TTC3: variants seen among roughly 807,000 people sequenced by gnomAD.
TTC3 encodes the protein E3 ubiquitin-protein ligase TTC3.
TTC3 carries 180 observed loss-of-function variants against 249.6 expected under a neutral mutation model. The ratio of observed to expected loss-of-function variants is 0.72; its 90% CI spans 0.64 to 0.82. TTC3 has a LOEUF of 0.82. Ranked by LOEUF, TTC3 falls within the 40% of genes least tolerant of loss-of-function variation. The pLI is 0.00. For missense variants in TTC3, 2,061 were observed against 2,398.4 expected (o/e 0.86, Z 2.94); for synonymous variants, 717 against 805.0 (o/e 0.89, Z 1.85).
intron 5 of TTC3, 113 bp from the exon 6 acceptor site, chr21:37,090,120 G>A (rs2073054807): frequency 1.5e-6 from 1 of 663,970 alleles, no homozygotes. Flanking sequence ...TGTCGGAAGT[G>A]TACTACTGAG....
At chr21:37,172,305 A>T (rs2081872963) in intron 34 of TTC3, among the ~76,000 whole-genome samples, 1 of 152,356 alleles carries the variant, frequency 6.6e-6, no homozygotes, top group African/African-American at 2.4e-5. Flanking sequence ...ATTTAAATCA[A>T]ACTGTTGATC....
At chr21:37,087,226 G>A in intron 1 of TTC3, 21 bp from the exon 2 acceptor site, 1 of 1,608,302 alleles carries the variant, frequency 6.2e-7, no homozygotes, top group Non-Finnish European at 8.5e-7. Context: ...TTACTGACTT[G>A]AGTTTGTGTT....
At chr21:37,098,147 G>A in intron 10 of TTC3, 2 of 449,236 alleles carry the variant, frequency 4.5e-6, no homozygotes, top group Non-Finnish European at 8.0e-6. Context: ...GAAATGAGCT[G>A]CACATGTCTT....
exon 44 of TTC3, chr21:37,197,930 C>G: frequency 6.2e-7 from 1 of 1,614,086 alleles, no homozygotes; most frequent in Non-Finnish European, 8.5e-7. Flanking sequence ...CTCTGCCACC[C>G]CCGTGACCAG....
intron 24 of TTC3, 97 bp downstream of exon 24, chr21:37,150,267 C>T: frequency 1.2e-6 from 1 of 860,126 alleles, no homozygotes; most frequent in Non-Finnish European, 1.9e-6. Flanking sequence ...TAATTTGGAT[C>T]TTTTCCAGGA....
At chr21:37,103,660 C>T (rs1170592437) in intron 10 of TTC3, among the ~76,000 whole-genome samples, 1 of 152,120 alleles carries the variant, frequency 6.6e-6, no homozygotes, top group Non-Finnish European at 1.5e-5. Flanking sequence ...TAATGTTCAG[C>T]ATTGATTCAA....
At chr21:37,122,419 AATATATATATATATATATT>A (rs1306899801) in intron 12 of TTC3, among the ~76,000 whole-genome samples, 14 of 38,038 alleles carry the variant, frequency 3.7e-4, no homozygotes, top group Admixed American at 1.3e-3. Context: ...ATATATATAT[AATATATATATATATATATT>A]ATATATATAT....
At chr21:37,114,561 G>A (rs1426180960) in intron 11 of TTC3, among the ~76,000 whole-genome samples, 2 of 152,172 alleles carry the variant, frequency 1.3e-5, no homozygotes, top group Admixed American at 1.3e-4. Flanking sequence ...TGGAGAAATA[G>A]GAACACTTTT....
intron 35 of TTC3, among the ~76,000 whole-genome samples, chr21:37,180,563 G>C (rs1194504804): frequency 7.7e-6 from 1 of 129,916 alleles, no homozygotes; most frequent in Non-Finnish European, 1.6e-5. Flanking sequence ...TGAACAATGA[G>C]ATCACATGGA....
chr21:37,178,961 C>T (rs1421569001), intron 35 of TTC3, among the ~76,000 whole-genome samples: 1 of 151,606 alleles, frequency 6.6e-6, no homozygotes, highest in Non-Finnish European at 1.5e-5. Flanking sequence ...GAGACCCTGT[C>T]TCAAAAGGAA....
At chr21:37,136,249 C>G (rs1026809261) in intron 18 of TTC3, among the ~76,000 whole-genome samples, 2 of 152,126 alleles carry the variant, frequency 1.3e-5, no homozygotes. Flanking sequence ...GGAAGAGTTG[C>G]ACGTCTCTCA....
rs750009298 is a variant in TTC3 at position 37,087,417 on chromosome 21, A to C, written c.144+16A>C. ...TGATGGGGTGGTAAGTAGGTTTGCT[A>C]ATTTTTCATTTTTGACATTGTGTAT... is the stretch of plus-strand genomic sequence containing the variant. On this transcript the variant is annotated intron_variant, in intron 2 of 45. Transcript: ENST00000355666. 1 of 1,612,340 alleles carries C rather than the reference A, an allele frequency of 6.2e-7. No homozygotes were observed. Among genetic ancestry groups the C allele is most frequent in the East Asian group, 2.2e-5 (1 of 44,840 alleles).
At chr21:37,191,355 C>T in exon 40 of TTC3, 1 of 1,586,654 alleles carries the variant, frequency 6.3e-7, no homozygotes, top group Non-Finnish European at 8.5e-7. Flanking sequence ...CATATCCTGA[C>T]ATGGAGTCTG....
chr21:37,085,529 A>C (rs2072338544), intron 1 of TTC3, among the ~76,000 whole-genome samples: 1 of 152,194 alleles, frequency 6.6e-6, no homozygotes, highest in South Asian at 2.1e-4. Context: ...GAAGTTGAAG[A>C]ATGGCTGTGG....
chr21:37,123,651 A>G (rs1199157542), intron 13 of TTC3, among the ~76,000 whole-genome samples: 1 of 152,264 alleles, frequency 6.6e-6, no homozygotes. Context: ...ACATGTAGAC[A>G]TAAAGAAATT....
chr21:37,127,159 G>T (rs531968917), intron 15 of TTC3, among the ~76,000 whole-genome samples: 12 of 152,128 alleles, frequency 7.9e-5, no homozygotes, highest in African/African-American at 2.9e-4. Context: ...CCAGCCTGGG[G>T]TCTCTTCTTA....
intron 41 of TTC3, 36 bp downstream of exon 41, chr21:37,192,249 A>G: frequency 7.3e-7 from 1 of 1,374,578 alleles, no homozygotes; most frequent in Non-Finnish European, 1.0e-6. Flanking sequence ...TTTTTAAACC[A>G]TAATTCATTT....
At chr21:37,118,526 C>T (rs1182088674) in intron 11 of TTC3, among the ~76,000 whole-genome samples, 3 of 152,114 alleles carry the variant, frequency 2.0e-5, no homozygotes, top group Non-Finnish European at 4.4e-5. Context: ...GAAATGTCCT[C>T]AAGAACATTT....
At chr21:37,155,244 A>C (rs1183945633) in intron 27 of TTC3, among the ~76,000 whole-genome samples, 1 of 151,342 alleles carries the variant, frequency 6.6e-6, no homozygotes, top group Admixed American at 6.6e-5. Flanking sequence ...CATATTTACC[A>C]TAAGAGAGGT....
Sources: gnomAD v4.1 joint callset for allele counts (sites outside exome capture counted in the v4.1 genomes callset) on GRCh38, gnomAD v4.1.1 for gene constraint, MANE v1.5 for transcripts, NCBI Gene and HGNC (gene_info 2026-07-23, HGNC 2026-07-21) for gene names.